Variants in PLCH1 observed in about 807,000 individuals in gnomAD.
PLCH1 encodes the protein phospholipase C eta 1, also known as 1-phosphatidylinositol 4,5-bisphosphate phosphodiesterase eta-1.
In PLCH1, 60 loss-of-function variants were observed where a neutral mutation model predicts 126.7. That is an observed-to-expected ratio of 0.47 (90% CI 0.38 to 0.59). The LOEUF (loss-of-function observed/expected upper bound fraction) is 0.59. Among genes scored for constraint, PLCH1 ranks in the 20% least tolerant of loss-of-function variants. PLCH1 has a pLI of 0.00. For missense variants in PLCH1, 1,723 were observed against 2,040.0 expected (o/e 0.84, Z 2.99); for synonymous variants, 719 against 734.9 (o/e 0.98, Z 0.35).
chr3:155,480,745 TACA>T lies in PLCH1; in HGVS notation c.*220_*222del, dbSNP rs1217456547. ...GCACATATTTCATACTGATACAGTT[TACA>T]ACAACTCAAGGGAGAAAGATCATAA... On this transcript the variant is annotated 3_prime_UTR_variant, in exon 23 of 23. Transcript: ENST00000460012. 1 of 517,966 alleles carries T rather than the reference TACA, an allele frequency of 1.9e-6. No individual in the cohort carries two copies. Among genetic ancestry groups the T allele is most frequent in the East Asian group, 3.2e-5 (1 of 31,294 alleles). 32.1% of individuals were successfully genotyped at this position (517,966 alleles called of 1,614,324 possible).
chr3:155,470,456 T>C (rs1307174061), intron 21 of PLCH1, among the ~76,000 whole-genome samples: 2 of 152,124 alleles, frequency 1.3e-5, no homozygotes, highest in African/African-American at 2.4e-5. Flanking sequence ...CTGATTGGTG[T>C]ACCTGAAAGT....
Position 155,492,515 on chromosome 3 carries a change from C to A in PLCH1, c.2307+214G>T, listed in dbSNP as rs78318573. Among the ~76,000 whole-genome samples the A allele has an allele frequency of 6.1e-3, 931 of 152,238 alleles. 11 individuals carry two copies. Among genetic ancestry groups the A allele is most frequent in the African/African-American group, 0.021 (864 of 41,536 alleles). On this transcript the variant is annotated intron_variant, in intron 18 of 22. Transcript: ENST00000460012. Reference sequence around the variant, plus strand: ...TAGTGTCAACCTTAAATTGTGAATTCAATTGTGTGCTCTTATGCCTTCAAA... The same window carrying A: ...TAGTGTCAACCTTAAATTGTGAATTAAATTGTGTGCTCTTATGCCTTCAAA...
At chr3:155,673,484 A>G (rs1577297435) in intron 2 of PLCH1, among the ~76,000 whole-genome samples, 1 of 152,130 alleles carries the variant, frequency 6.6e-6, no homozygotes, top group South Asian at 2.1e-4. Flanking sequence ...CCTAAAAAAA[A>G]CAGCCTGTAC....
intron 17 of PLCH1, among the ~76,000 whole-genome samples, chr3:155,493,155 T>C (rs1489176723): frequency 1.3e-5 from 2 of 152,178 alleles, no homozygotes; most frequent in African/African-American, 2.4e-5. Flanking sequence ...TTCAAATAAT[T>C]TTCTAACCTA....
At position 155,482,235 on chromosome 3, in the gene PLCH1, T is replaced by C. The variant is rs761876173; in HGVS notation, c.3791A>G (p.Asn1264Ser). ...AGTGCAGGTAGTTTCATAAACTGTG[T>C]TCGTTGCATGTTTGGTGGTCTCAGA... ...SSSETTKHAT[N>S]TVYETTCTPI... is the part of the protein sequence containing the mutation. The change falls in exon 23 of 23, where the codon AAC becomes AGC. Residue 1264 changes from asparagine to serine, a missense_variant. Physicochemically the swap from Asn to Ser is conservative, Grantham distance 46. Coordinates refer to ENST00000460012, the MANE Select transcript of PLCH1 (RefSeq NM_014996.4). 2 of 1,614,064 alleles carry C rather than the reference T, an allele frequency of 1.2e-6. No individual in the cohort carries two copies. Among genetic ancestry groups the C allele is most frequent in the African/African-American group, 1.3e-5 (1 of 74,914 alleles).
At chr3:155,522,696 C>T (rs1055332799) in intron 11 of PLCH1, among the ~76,000 whole-genome samples, 1 of 129,300 alleles carries the variant, frequency 7.7e-6, no homozygotes, top group Non-Finnish European at 1.6e-5. Context: ...AGAATTTATA[C>T]AAAATTTCTC....
intron 10 of PLCH1, 59 bp from the exon 11 acceptor site, chr3:155,524,063 G>A (rs1721575165): frequency 2.0e-6 from 2 of 1,010,316 alleles, no homozygotes; most frequent in South Asian, 2.7e-5. Context: ...TAGCCAAAAG[G>A]TGGAAGTAAC....
chr3:155,704,805 G>A (rs1301605372), intron 1 of PLCH1, among the ~76,000 whole-genome samples: 1 of 152,178 alleles, frequency 6.6e-6, no homozygotes, highest in Non-Finnish European at 1.5e-5. Flanking sequence ...GCTAGGGCCT[G>A]GATCTGCCCA....
At chr3:155,688,949 C>T (rs1487908603) in intron 2 of PLCH1, among the ~76,000 whole-genome samples, 1 of 152,200 alleles carries the variant, frequency 6.6e-6, no homozygotes, top group Non-Finnish European at 1.5e-5. Flanking sequence ...CATCGCTGGA[C>T]ATGCCTGGGG....
intron 2 of PLCH1, among the ~76,000 whole-genome samples, chr3:155,692,599 C>A (rs550975207): frequency 6.6e-6 from 1 of 152,160 alleles, no homozygotes; most frequent in South Asian, 2.1e-4. Flanking sequence ...TGGGCACTTA[C>A]CACAGCAACA....
chr3:155,464,677 G>A (rs540683322), intron 21 of PLCH1, among the ~76,000 whole-genome samples: 1 of 152,210 alleles, frequency 6.6e-6, no homozygotes, highest in South Asian at 2.1e-4. Context: ...CTCCTGATAA[G>A]TGAAACCCTG....
intron 11 of PLCH1, among the ~76,000 whole-genome samples, chr3:155,518,100 G>T (rs530297148): frequency 1.3e-5 from 2 of 152,312 alleles, no homozygotes; most frequent in Non-Finnish European, 1.5e-5. Flanking sequence ...CATCCCACGT[G>T]GGGTGGAGTA....
Position 155,583,577 on chromosome 3 carries a change from C to G in PLCH1, c.666G>C (p.Met222Ile), listed in dbSNP as rs1730980495. The part of the protein sequence containing the change: ...TFEEFCVFYK[M>I]MSLRRDLYLL... The stretch of plus-strand genomic sequence containing the variant: ...AATAAAGGTCTCGTCTCAAAGACAT[C>G]ATTTTGTAAAAAACACAGAACTCTT... Residue 222 changes from methionine (M) to isoleucine (I), a missense_variant, in exon 6 of 23, where the codon ATG (methionine) becomes ATC (isoleucine). Physicochemically the swap from Met to Ile is conservative, Grantham distance 10. Transcript: ENST00000460012. 6.2e-7 allele frequency: 1 copy of G among 1,602,784 alleles called. No individual in the cohort carries two copies. Among genetic ancestry groups the G allele is most frequent in the Non-Finnish European group, 8.5e-7 (1 of 1,176,850 alleles).
intron 1 of PLCH1, among the ~76,000 whole-genome samples, chr3:155,739,872 G>A (rs1229879751): frequency 6.6e-6 from 1 of 152,106 alleles, no homozygotes; most frequent in Non-Finnish European, 1.5e-5. Flanking sequence ...TAAAATAAGT[G>A]CCATCACGTT....
intron 2 of PLCH1, among the ~76,000 whole-genome samples, chr3:155,603,344 TAAGGA>T (rs1181337534): frequency 2.6e-5 from 4 of 152,108 alleles, no homozygotes; most frequent in Non-Finnish European, 4.4e-5. Flanking sequence ...TGTCAAAAAG[TAAGGA>T]AAGGGAGATT....
At chr3:155,652,672 G>C (rs559970994) in intron 2 of PLCH1, among the ~76,000 whole-genome samples, 6 of 152,234 alleles carry the variant, frequency 3.9e-5, no homozygotes, top group African/African-American at 1.4e-4. Context: ...TCTCCTCACT[G>C]CTGCTTTCAG....
intron 2 of PLCH1, among the ~76,000 whole-genome samples, chr3:155,619,223 A>G (rs73874880): frequency 0.028 from 4,297 of 152,188 alleles, 201 homozygotes; most frequent in African/African-American, 0.098. Context: ...TTATTGTCTA[A>G]TTCATTTCTT....
At chr3:155,602,631 C>G (rs1733881321) in intron 2 of PLCH1, among the ~76,000 whole-genome samples, 2 of 152,192 alleles carry the variant, frequency 1.3e-5, no homozygotes, top group South Asian at 4.1e-4. Context: ...ACCTGTACAA[C>G]ATGCTACTGT....
intron 1 of PLCH1, among the ~76,000 whole-genome samples, chr3:155,715,197 C>A (rs1747414653): frequency 6.6e-6 from 1 of 151,960 alleles, no homozygotes; most frequent in African/African-American, 2.4e-5. Flanking sequence ...CTTATTTGTG[C>A]CTCTCTTATT....
Sources: gnomAD v4.1 joint callset for allele counts (sites outside exome capture counted in the v4.1 genomes callset) on GRCh38, gnomAD v4.1.1 for gene constraint, MANE v1.5 for transcripts, NCBI Gene and HGNC (gene_info 2026-07-23, HGNC 2026-07-21) for gene names.